The following PATJ variants were observed in gnomAD, a reference collection of about 807,000 sequenced individuals.
The protein encoded by PATJ is PATJ crumbs cell polarity complex component.
A neutral mutation model predicts 224.9 loss-of-function variants in PATJ; 190 were observed. The observed-to-expected ratio is 0.84, with a 90% CI of 0.75 to 0.95. The LOEUF is 0.95. Ranked by LOEUF, PATJ falls within the 40% of genes least tolerant of loss-of-function variation. The pLI is 0.00. For synonymous variants in PATJ, 769 were observed against 820.3 expected (o/e 0.94, Z 1.07); for missense variants, 2,121 against 2,270.3 (o/e 0.93, Z 1.34).
intron 26 of PATJ, among the ~76,000 whole-genome samples, chr1:61,927,310 T>G (rs745762582): frequency 2.0e-5 from 3 of 152,220 alleles, no homozygotes; most frequent in Non-Finnish European, 2.9e-5. Context: ...GAAGAAAAAG[T>G]TTAAATCATT....
chr1:61,755,453 G>A (rs894798992), intron 1 of PATJ, among the ~76,000 whole-genome samples: 3 of 152,016 alleles, frequency 2.0e-5, no homozygotes, highest in Non-Finnish European at 4.4e-5. Flanking sequence ...AATAAATTGA[G>A]ATACATGGCC....
chr1:61,806,396 G>T (rs1653546542), intron 13 of PATJ, among the ~76,000 whole-genome samples: 1 of 151,910 alleles, frequency 6.6e-6, no homozygotes, highest in African/African-American at 2.4e-5. Context: ...GAGGCGGGCG[G>T]ATCACGAGGT....
intron 28 of PATJ, among the ~76,000 whole-genome samples, chr1:61,993,365 C>G (rs1645174808): frequency 6.6e-6 from 1 of 152,268 alleles, no homozygotes; most frequent in South Asian, 2.1e-4. Context: ...ACCCACCAGA[C>G]AGGTCCACGT....
chr1:62,017,006 A>T (rs1646805366), intron 28 of PATJ, among the ~76,000 whole-genome samples: 2 of 152,260 alleles, frequency 1.3e-5, no homozygotes, highest in Non-Finnish European at 2.9e-5. Context: ...GAAGTTTAGC[A>T]AAAGGATAAA....
At chr1:61,771,058 T>G (rs1056517240) in intron 5 of PATJ, among the ~76,000 whole-genome samples, 1 of 152,156 alleles carries the variant, frequency 6.6e-6, no homozygotes, top group Admixed American at 6.6e-5. Flanking sequence ...AGAATATTGT[T>G]ACCCCAGTGT....
intron 21 of PATJ, among the ~76,000 whole-genome samples, chr1:61,882,068 G>C (rs571796737): frequency 2.2e-4 from 34 of 152,316 alleles, no homozygotes; most frequent in Admixed American, 2.1e-3. Context: ...CTGTATAAGA[G>C]TGCTGCTCTG....
At chr1:62,028,426 G>A (rs1043528277) in intron 29 of PATJ, among the ~76,000 whole-genome samples, 1 of 152,118 alleles carries the variant, frequency 6.6e-6, no homozygotes, top group African/African-American at 2.4e-5. Flanking sequence ...AGCACCATTT[G>A]TTGAAAAGAT....
intron 17 of PATJ, among the ~76,000 whole-genome samples, chr1:61,852,909 A>G (rs1394113150): frequency 6.6e-6 from 1 of 152,206 alleles, no homozygotes; most frequent in African/African-American, 2.4e-5. Flanking sequence ...TCATTCAGCT[A>G]CGTGGGAAAT....
At chr1:61,895,332 G>T (rs1670204187) in intron 22 of PATJ, among the ~76,000 whole-genome samples, 2 of 152,232 alleles carry the variant, frequency 1.3e-5, no homozygotes, top group Admixed American at 1.3e-4. Flanking sequence ...TCCAGGGCAT[G>T]TCAGAAATCT....
chr1:62,103,615 A>T (rs1226340567), intron 33 of PATJ, among the ~76,000 whole-genome samples: 1 of 152,128 alleles, frequency 6.6e-6, no homozygotes, highest in Non-Finnish European at 1.5e-5. Flanking sequence ...TTGGCCGAGT[A>T]TGGTGGCACA....
intron 33 of PATJ, among the ~76,000 whole-genome samples, chr1:62,102,043 G>A (rs1369620289): frequency 6.6e-6 from 1 of 152,050 alleles, no homozygotes; most frequent in East Asian, 1.9e-4. Context: ...GCGGAGCATG[G>A]TGACATGTGC....
chr1:62,041,189 A>G (rs1445268620), intron 30 of PATJ, among the ~76,000 whole-genome samples: 1 of 152,170 alleles, frequency 6.6e-6, no homozygotes, highest in Non-Finnish European at 1.5e-5. Flanking sequence ...GGGGATAAAC[A>G]TTCTGTGTTA....
intron 43 of PATJ, among the ~76,000 whole-genome samples, chr1:62,156,047 G>T (rs1404511709): frequency 2.4e-5 from 2 of 82,466 alleles, no homozygotes; most frequent in African/African-American, 1.0e-4. Context: ...GACAGAGCAA[G>T]ACTCTGTAAA....
At chr1:62,148,848 C>T (rs963627879) in intron 42 of PATJ, among the ~76,000 whole-genome samples, 2 of 152,044 alleles carry the variant, frequency 1.3e-5, no homozygotes, top group East Asian at 1.9e-4. Flanking sequence ...ATCTAAGGGC[C>T]GGGCTCAGTG....
chr1:61,930,730 G>A (rs1675902992), intron 27 of PATJ, among the ~76,000 whole-genome samples: 1 of 151,938 alleles, frequency 6.6e-6, no homozygotes, highest in African/African-American at 2.4e-5. Context: ...TTTTTGAGAT[G>A]GAGTTTTGCT....
At chr1:61,952,213 A>G in intron 27 of PATJ, 1 of 514,048 alleles carries the variant, frequency 1.9e-6, no homozygotes, top group South Asian at 3.6e-5. Flanking sequence ...TTTTCCTGAT[A>G]TAAATAGATT....
chr1:61,894,261 A>C (rs1670020523), intron 22 of PATJ, among the ~76,000 whole-genome samples: 1 of 140,668 alleles, frequency 7.1e-6, no homozygotes, highest in Non-Finnish European at 1.5e-5. Flanking sequence ...TCTCATAAAA[A>C]AAAAAAAACA....
At chr1:61,922,237 G>A (rs1381654411) in intron 26 of PATJ, among the ~76,000 whole-genome samples, 1 of 151,956 alleles carries the variant, frequency 6.6e-6, no homozygotes, top group East Asian at 1.9e-4. Flanking sequence ...TAAAAATGGG[G>A]TTTCACCATG....
In PATJ at chr1:61,861,284, CTTTTTTTT is replaced by C; in HGVS notation, c.2323-251_2323-244del. Reference sequence around the variant, plus strand: ...TGAAACCAGGATATTTTCTTTCTTTCTTTTTTTTTTTTTTTTTTTTTTTACGTGAATGA... The same window carrying C: ...TGAAACCAGGATATTTTCTTTCTTTCTTTTTTTTTTTTTTTACGTGAATGA... On this transcript the variant is annotated intron_variant, in intron 18 of 43. Transcript: ENST00000642238. Among the ~76,000 whole-genome samples, 29 of 48,874 alleles carry C rather than the reference CTTTTTTTT, an allele frequency of 5.9e-4. 1 individual carries two copies. Among genetic ancestry groups the C allele is most frequent in the East Asian group, 1.5e-3 (1 of 660 alleles). 32.1% of individuals were successfully genotyped at this position (48,874 alleles called of 152,430 possible). A position where few individuals can be genotyped will look rare whatever the true frequency, so the allele number is the denominator to read the frequency against.
Sources: allele counts gnomAD v4.1 joint callset (sites outside exome capture counted in the v4.1 genomes callset), GRCh38; gene constraint gnomAD v4.1.1; transcripts MANE v1.5; gene names NCBI Gene and HGNC (gene_info 2026-07-23, HGNC 2026-07-21).